DMD: variants seen among roughly 807,000 people sequenced by gnomAD.
DMD encodes the protein dystrophin.
In DMD, 63 loss-of-function variants were observed where a neutral mutation model predicts 330.1. The observed-to-expected ratio is 0.19, with a 90% CI of 0.16 to 0.24. The LOEUF is 0.24. Among genes scored for constraint, DMD ranks in the 10% least tolerant of loss-of-function variants. DMD has a pLI of 1.00. For missense variants in DMD, 3,344 were observed against 2,684.1 expected (o/e 1.25, Z -5.43); for synonymous variants, 1,223 against 959.8 (o/e 1.27, Z -5.07).
At chrX:31,378,591 C>G (rs1034289691) in intron 60 of DMD, among the ~76,000 whole-genome samples, 2 of 109,698 alleles carry the variant, frequency 1.8e-5, no homozygotes, top group African/African-American at 6.7e-5. Context: ...CACACGGGGA[C>G]GCCTGCCTTG....
intron 11 of DMD, among the ~76,000 whole-genome samples, chrX:32,639,424 C>T (rs780140514): frequency 9.0e-6 from 1 of 111,598 alleles, no homozygotes; most frequent in Non-Finnish European, 1.9e-5. Context: ...TCTAACAAAA[C>T]CACATCAATA....
At chrX:31,637,680 G>A (rs1176432557) in intron 54 of DMD, among the ~76,000 whole-genome samples, 1 of 110,511 alleles carries the variant, frequency 9.0e-6, no homozygotes, top group African/African-American at 3.3e-5. Flanking sequence ...CTAAAAACAA[G>A]GCCATAGGCT....
At chrX:31,968,774 T>C (rs958871429) in intron 44 of DMD, among the ~76,000 whole-genome samples, 5 of 111,841 alleles carry the variant, frequency 4.5e-5, no homozygotes, top group African/African-American at 1.6e-4. Context: ...AGCTAGAGGA[T>C]GTTATAATGT....
At chrX:32,766,607 G>A (rs1490116554) in intron 7 of DMD, among the ~76,000 whole-genome samples, 2 of 111,073 alleles carry the variant, frequency 1.8e-5, no homozygotes, top group East Asian at 2.8e-4. Flanking sequence ...GAAATCTCTA[G>A]AATTTTCTAC....
At chrX:32,795,979 A>C (rs2076153050) in intron 7 of DMD, among the ~76,000 whole-genome samples, 1 of 111,715 alleles carries the variant, frequency 9.0e-6, no homozygotes, top group South Asian at 3.8e-4. Context: ...TGCAACGAAA[A>C]GGGAACTCTT....
intron 44 of DMD, among the ~76,000 whole-genome samples, chrX:32,205,239 CAATAA>C: frequency 1.0e-5 from 1 of 100,444 alleles, no homozygotes; most frequent in Admixed American, 1.1e-4. Context: ...ACAAAACCAA[CAATAA>C]AATAAAAAAT....
chrX:32,826,830 G>A (rs1166043819), intron 4 of DMD, among the ~76,000 whole-genome samples: 1 of 110,426 alleles, frequency 9.1e-6, no homozygotes, highest in Non-Finnish European at 1.9e-5. Flanking sequence ...ATTGCTAAGA[G>A]AATAGATTTT....
intron 59 of DMD, among the ~76,000 whole-genome samples, chrX:31,454,295 CCAT>C (rs1369493619): frequency 9.0e-6 from 1 of 111,321 alleles, no homozygotes; most frequent in Non-Finnish European, 1.9e-5. Flanking sequence ...CACACCACCA[CCAT>C]GCCTGGCTAA....
intron 2 of DMD, among the ~76,000 whole-genome samples, chrX:32,990,527 C>T (rs2092946753): frequency 8.9e-6 from 1 of 111,825 alleles, no homozygotes; most frequent in Admixed American, 9.5e-5. Flanking sequence ...TAATAAGGGC[C>T]ATTTAAGAGA....
At chrX:31,746,839 G>C (rs989067128) in intron 51 of DMD, among the ~76,000 whole-genome samples, 1 of 110,809 alleles carries the variant, frequency 9.0e-6, no homozygotes, top group African/African-American at 3.3e-5. Context: ...ATGGAGAAGA[G>C]AGGTATGAAT....
chrX:31,460,984 C>T (rs1569544568), intron 59 of DMD, among the ~76,000 whole-genome samples: 1 of 111,016 alleles, frequency 9.0e-6, no homozygotes, highest in African/African-American at 3.3e-5. Context: ...ATTAAAATAC[C>T]AACAGGAAAA....
In DMD at chrX:32,863,505, G is replaced by A. The variant is rs753415702; in HGVS notation, c.94-13685C>T. Among the ~76,000 whole-genome samples the A allele has an allele frequency of 2.4e-4, 13 of 54,757 alleles. No homozygotes were observed. The African/African-American group carries it at 2.7e-3, about 11-fold the overall frequency. 47.5% of individuals were successfully genotyped at this position (54,757 alleles called of 115,157 possible). On this transcript the variant is annotated intron_variant, in intron 2 of 78. Transcript: ENST00000357033. ...AGCCTGGGTGGCAGAGTGAGACTCC[G>A]TCTCAAAAAAAAAAAAAAAAGATTG...
rs934258453 is a variant in DMD at position 33,288,927 on chromosome X, A to T, written c.7+50332T>A. ...GTCGAAAAGGGCTCAGTTACTATAG[A>T]CACAAGCAAATATGACCTGAGCTAC... On this transcript the variant is annotated intron_variant, in intron 1 of 17. Coordinates refer to the DMD transcript ENST00000288447. Among the ~76,000 whole-genome samples, 3 of 111,296 alleles carry T rather than the reference A, an allele frequency of 2.7e-5. No homozygotes were observed. In the Admixed American group the frequency reaches 2.9e-4, roughly 11 times the overall value.
chrX:33,191,978 C>A lies in DMD; in HGVS notation c.31+19304G>T, dbSNP rs943784685. On this transcript the variant is annotated intron_variant, in intron 1 of 78. Coordinates refer to ENST00000357033, the MANE Select transcript of DMD (RefSeq NM_004006.3). ...GCAGTCACTGTGTAAATAAACTCAC[C>A]GCCTATTGTGAGAAACAGACCTGTA... Among the ~76,000 whole-genome samples, 4 of 111,779 alleles carry A rather than the reference C, an allele frequency of 3.6e-5. No individual in the cohort carries two copies. The East Asian group carries it at 1.1e-3, about 31-fold the overall frequency.
chrX:32,429,848 A>G, intron 29 of DMD, among the ~76,000 whole-genome samples: 1 of 111,154 alleles, frequency 9.0e-6, no homozygotes, highest in Non-Finnish European at 1.9e-5. Context: ...GAAATTAGAT[A>G]TTCTTATATA....
intron 22 of DMD, among the ~76,000 whole-genome samples, chrX:32,469,765 T>A (rs2040424556): frequency 9.0e-6 from 1 of 111,057 alleles, no homozygotes; most frequent in Admixed American, 9.7e-5. Flanking sequence ...TTCAACAATT[T>A]CCATTATTAG....
intron 44 of DMD, among the ~76,000 whole-genome samples, chrX:32,114,011 T>C (rs140021934): frequency 0.016 from 1,796 of 112,090 alleles, 39 homozygotes; most frequent in African/African-American, 0.055. Context: ...TATGCAAGGC[T>C]CAATGTCAAC....
chrX:32,214,078 T>A (rs1048153326), intron 44 of DMD, among the ~76,000 whole-genome samples: 3 of 111,220 alleles, frequency 2.7e-5, no homozygotes, highest in South Asian at 3.8e-4. Flanking sequence ...TCTCTGAAAA[T>A]TTTAAATTAT....
At chrX:31,163,475 G>A (rs1383828822) in intron 74 of DMD, among the ~76,000 whole-genome samples, 1 of 111,741 alleles carries the variant, frequency 8.9e-6, no homozygotes, top group Non-Finnish European at 1.9e-5. Flanking sequence ...AATACACCAA[G>A]TAACTTGAAT....
Sources: gnomAD v4.1 joint callset for allele counts (sites outside exome capture counted in the v4.1 genomes callset) on GRCh38, gnomAD v4.1.1 for gene constraint, MANE v1.5 for transcripts, NCBI Gene and HGNC (gene_info 2026-07-23, HGNC 2026-07-21) for gene names.